The following ARFIP1 variants were observed in gnomAD, a reference collection of about 807,000 sequenced individuals.
ARFIP1 encodes ARF interacting protein 1.
In ARFIP1, 24 loss-of-function variants were observed where a neutral mutation model predicts 42.5. The observed-to-expected ratio is 0.57, with a 90% CI of 0.41 to 0.80. The LOEUF is 0.80. Ranked by LOEUF, ARFIP1 falls within the 30% of genes least tolerant of loss-of-function variation. The pLI is 0.00. For synonymous variants in ARFIP1, 141 were observed against 153.7 expected (o/e 0.92, Z 0.61); for missense variants, 354 against 434.0 (o/e 0.82, Z 1.64).
chr4:152,901,942 T>C (rs956377161), intron 8 of ARFIP1, among the ~76,000 whole-genome samples: 18 of 152,214 alleles, frequency 1.2e-4, no homozygotes, highest in African/African-American at 4.1e-4. Flanking sequence ...AAGTGCTGTG[T>C]GTCTTTTCTA....
intron 2 of ARFIP1, among the ~76,000 whole-genome samples, chr4:152,834,027 A>G (rs1169551683): frequency 6.6e-6 from 1 of 152,162 alleles, no homozygotes; most frequent in Admixed American, 6.5e-5. Flanking sequence ...GCTTTTACCC[A>G]TGGTGGAAGG....
At chr4:152,870,110 A>G (rs1734753681) in intron 3 of ARFIP1, among the ~76,000 whole-genome samples, 1 of 152,190 alleles carries the variant, frequency 6.6e-6, no homozygotes, top group African/African-American at 2.4e-5. Context: ...ATGAAAATGT[A>G]GGTTTGGGTT....
intron 1 of ARFIP1, among the ~76,000 whole-genome samples, chr4:152,806,417 A>G (rs1204032587): frequency 6.6e-6 from 1 of 152,280 alleles, no homozygotes; most frequent in Admixed American, 6.5e-5. Context: ...CCAGACTGGT[A>G]TGGTATGGTT....
intron 1 of ARFIP1, among the ~76,000 whole-genome samples, chr4:152,819,416 G>A (rs1275271250): frequency 2.0e-5 from 3 of 152,116 alleles, no homozygotes; most frequent in Admixed American, 6.6e-5. Context: ...CTCCATCTAC[G>A]TCACTTCCCT....
intron 2 of ARFIP1, among the ~76,000 whole-genome samples, chr4:152,860,142 A>G (rs144131073): frequency 3.3e-5 from 5 of 152,342 alleles, no homozygotes; most frequent in African/African-American, 1.2e-4. Context: ...TACTTGAAGT[A>G]CCAGATGTTG....
At chr4:152,847,951 C>G (rs1732696968) in intron 2 of ARFIP1, among the ~76,000 whole-genome samples, 1 of 152,202 alleles carries the variant, frequency 6.6e-6, no homozygotes. Context: ...TGTCCATACA[C>G]AAACCTACCA....
intron 8 of ARFIP1, among the ~76,000 whole-genome samples, chr4:152,897,727 A>G (rs922053069): frequency 2.0e-5 from 3 of 152,200 alleles, no homozygotes; most frequent in Non-Finnish European, 4.4e-5. Flanking sequence ...GTATTATCCA[A>G]CTTGATTTGC....
At chr4:152,903,054 T>C (rs1429253250) in intron 8 of ARFIP1, among the ~76,000 whole-genome samples, 4 of 152,218 alleles carry the variant, frequency 2.6e-5, no homozygotes, top group African/African-American at 9.7e-5. Flanking sequence ...ATTATTCCCT[T>C]TAATTGGTAA....
intron 1 of ARFIP1, among the ~76,000 whole-genome samples, chr4:152,795,606 A>G (rs1578812166): frequency 6.6e-6 from 1 of 152,130 alleles, no homozygotes; most frequent in Non-Finnish European, 1.5e-5. Flanking sequence ...ACACATTACC[A>G]ACACTCTCTC....
chr4:152,833,251 A>AT (rs1274994630), intron 2 of ARFIP1, among the ~76,000 whole-genome samples: 13 of 152,126 alleles, frequency 8.5e-5, no homozygotes, highest in African/African-American at 3.1e-4. Context: ...TCAAAAAAAA[A>AT]AAAAAAGTAC....
intron 1 of ARFIP1, among the ~76,000 whole-genome samples, chr4:152,786,616 G>GTC (rs1198730158): frequency 6.6e-6 from 1 of 152,074 alleles, no homozygotes; most frequent in Non-Finnish European, 1.5e-5. Flanking sequence ...TACCCATCTT[G>GTC]AAGGCACAGT....
At chr4:152,883,690 A>G (rs62319946) in intron 7 of ARFIP1, among the ~76,000 whole-genome samples, 1 of 151,006 alleles carries the variant, frequency 6.6e-6, no homozygotes, top group East Asian at 1.9e-4. Flanking sequence ...CAAAATATAT[A>G]TTAATAAATA....
chr4:152,879,076 C>A (rs1425252440), intron 5 of ARFIP1, among the ~76,000 whole-genome samples: 1 of 151,934 alleles, frequency 6.6e-6, no homozygotes, highest in Non-Finnish European at 1.5e-5. Flanking sequence ...AGTGTTTGTA[C>A]GTTTTCCACA....
intron 1 of ARFIP1, among the ~76,000 whole-genome samples, chr4:152,800,649 A>T (rs1452639608): frequency 6.6e-6 from 1 of 152,166 alleles, no homozygotes; most frequent in African/African-American, 2.4e-5. Flanking sequence ...TCTGTCCTTC[A>T]ATATAGTAAC....
At chr4:152,840,458 T>C (rs1731968194) in intron 2 of ARFIP1, among the ~76,000 whole-genome samples, 1 of 152,218 alleles carries the variant, frequency 6.6e-6, no homozygotes, top group African/African-American at 2.4e-5. Flanking sequence ...TTGTGTAGGA[T>C]TGTGATATTT....
At chr4:152,831,904 A>G (rs929509953) in intron 2 of ARFIP1, among the ~76,000 whole-genome samples, 1 of 151,910 alleles carries the variant, frequency 6.6e-6, no homozygotes, top group Non-Finnish European at 1.5e-5. Context: ...TGCATTAGGT[A>G]TTTGTCCTAA....
chr4:152,844,464 GAATT>G (rs1345661821), intron 2 of ARFIP1, among the ~76,000 whole-genome samples: 2 of 152,078 alleles, frequency 1.3e-5, no homozygotes, highest in African/African-American at 4.8e-5. Context: ...CCTCCTTTGT[GAATT>G]GATTGATTGA....
At chr4:152,869,589 C>T (rs1290320660) in intron 3 of ARFIP1, among the ~76,000 whole-genome samples, 1 of 147,836 alleles carries the variant, frequency 6.8e-6, no homozygotes, top group Non-Finnish European at 1.5e-5. Context: ...GCTGGGACTA[C>T]AGGCTTGTGC....
At chr4:152,826,607 C>G (rs544832624) in intron 1 of ARFIP1, among the ~76,000 whole-genome samples, 2 of 152,110 alleles carry the variant, frequency 1.3e-5, no homozygotes, top group East Asian at 1.9e-4. Context: ...ACCACTTGTA[C>G]CCCTAAAGCT....
Sources: gnomAD v4.1 joint callset for allele counts (sites outside exome capture counted in the v4.1 genomes callset) on GRCh38, gnomAD v4.1.1 for gene constraint, MANE v1.5 for transcripts, NCBI Gene and HGNC (gene_info 2026-07-23, HGNC 2026-07-21) for gene names.